DMD: variants seen among roughly 807,000 people sequenced by gnomAD.
The protein encoded by DMD is dystrophin, also known as mutant dystrophin.
DMD carries 63 observed loss-of-function variants against 330.1 expected under a neutral mutation model. That is an observed-to-expected ratio of 0.19 (90% CI 0.16 to 0.24). The LOEUF (loss-of-function observed/expected upper bound fraction) is 0.24, where lower values mean the gene tolerates loss of function less well. Among genes scored for constraint, DMD ranks in the 10% least tolerant of loss-of-function variants. The probability of loss-of-function intolerance (pLI) is 1.00; values close to 1 mark genes in which losing one functional copy is unlikely to be tolerated. For missense variants in DMD, 3,344 were observed against 2,684.1 expected, an observed-to-expected ratio of 1.25 and a Z score of -5.43; for synonymous variants, 1,223 against 959.8, an observed-to-expected ratio of 1.27 and a Z score of -5.07.
chrX:33,128,631 G>C (rs1364015081), intron 1 of DMD, among the ~76,000 whole-genome samples: 1 of 111,917 alleles, frequency 8.9e-6, no homozygotes, highest in African/African-American at 3.3e-5. Flanking sequence ...CTGTATTTTT[G>C]TCTGGTATTC....
At chrX:32,601,733 G>C (rs1032406802) in intron 12 of DMD, among the ~76,000 whole-genome samples, 1 of 109,545 alleles carries the variant, frequency 9.1e-6, no homozygotes, top group Non-Finnish European at 1.9e-5. Flanking sequence ...CTTTGAGAAA[G>C]TCATCAACCA....
In DMD at chrX:32,621,707, CA is replaced by C. The variant is rs557101985; in HGVS notation, c.1332-7255del. ...AGGGACCAGAATGGCTGGGTGTGTG[CA>C]AACGGGATGGCTCAATATTTTAATG... is the stretch of plus-strand genomic sequence containing the variant. On this transcript the variant is annotated intron_variant, in intron 11 of 78. Transcript: ENST00000357033. 3.6e-5 allele frequency among the ~76,000 whole-genome samples: 4 copies of C among 110,305 alleles called. No individual in the cohort carries two copies. The South Asian group carries it at 1.6e-3, about 44-fold the overall frequency.
At chrX:31,270,483 TTGAGG>T in intron 62 of DMD, among the ~76,000 whole-genome samples, 1 of 111,943 alleles carries the variant, frequency 8.9e-6, no homozygotes, top group South Asian at 3.8e-4. Flanking sequence ...TTCTGGCCTT[TTGAGG>T]GTAAAGGCAT....
At chrX:31,520,081 G>A (rs1464360385) in intron 55 of DMD, among the ~76,000 whole-genome samples, 2 of 112,508 alleles carry the variant, frequency 1.8e-5, no homozygotes, top group African/African-American at 6.5e-5. Flanking sequence ...TGTAAAGGTA[G>A]GTAATATTTG....
At chrX:31,597,612 T>G (rs945510806) in intron 55 of DMD, among the ~76,000 whole-genome samples, 20 of 112,062 alleles carry the variant, frequency 1.8e-4, no homozygotes, top group Non-Finnish European at 3.2e-4. Context: ...TCTAATTCAC[T>G]GTGCAAGACA....
chrX:32,029,463 C>G (rs1358695065), intron 44 of DMD, among the ~76,000 whole-genome samples: 2 of 110,637 alleles, frequency 1.8e-5, no homozygotes, highest in Admixed American at 1.9e-4. Flanking sequence ...ACCTAAGAAT[C>G]AGAAATGAGG....
intron 2 of DMD, among the ~76,000 whole-genome samples, chrX:32,879,131 C>A (rs17341093): frequency 0.071 from 7,902 of 111,166 alleles, 283 homozygotes; most frequent in East Asian, 0.17. Context: ...ATTCCTGCAT[C>A]TGTTACCGTT....
intron 45 of DMD, among the ~76,000 whole-genome samples, chrX:31,962,573 T>A: frequency 1.8e-5 from 2 of 112,140 alleles, no homozygotes; most frequent in South Asian, 7.4e-4. Flanking sequence ...CAGTTGTAGG[T>A]GATGGTGCCA....
At chrX:31,569,620 A>ACACG (rs1191444755) in intron 55 of DMD, among the ~76,000 whole-genome samples, 20 of 99,490 alleles carry the variant, frequency 2.0e-4, no homozygotes, top group Admixed American at 4.4e-4. Context: ...ATACGTATAT[A>ACACG]TACGTATATA....
At chrX:33,187,433 G>T (rs191985510) in intron 1 of DMD, among the ~76,000 whole-genome samples, 1 of 112,772 alleles carries the variant, frequency 8.9e-6, no homozygotes, top group African/African-American at 3.2e-5. Flanking sequence ...AGAGATATGT[G>T]CAAGGCACAA....
chrX:32,681,033 T>C (rs1475669820), intron 9 of DMD, among the ~76,000 whole-genome samples: 2 of 112,473 alleles, frequency 1.8e-5, no homozygotes, highest in Non-Finnish European at 3.8e-5. Flanking sequence ...AGTTTTCCTC[T>C]TTATCTAATC....
intron 60 of DMD, among the ~76,000 whole-genome samples, chrX:31,402,509 G>A (rs1036582899): frequency 8.9e-5 from 10 of 112,002 alleles, no homozygotes; most frequent in Admixed American, 2.9e-4. Flanking sequence ...GTATCCTAAA[G>A]TACAAAACGA....
At chrX:32,731,610 C>A (rs186950623) in intron 7 of DMD, among the ~76,000 whole-genome samples, 8 of 112,063 alleles carry the variant, frequency 7.1e-5, no homozygotes, top group African/African-American at 2.0e-4. Flanking sequence ...GACCCCTGAC[C>A]CCCGAGCACC....
chrX:32,840,633 A>T (rs2080079060), intron 4 of DMD, among the ~76,000 whole-genome samples: 1 of 112,110 alleles, frequency 8.9e-6, no homozygotes, highest in South Asian at 3.7e-4. Context: ...TTCAATTTTA[A>T]ACCCATGGAA....
intron 9 of DMD, among the ~76,000 whole-genome samples, chrX:32,650,191 G>C (rs2060054878): frequency 8.9e-6 from 1 of 111,862 alleles, no homozygotes; most frequent in Non-Finnish European, 1.9e-5. Context: ...CTATCACTGA[G>C]CAGTTTTATA....
At chrX:32,216,208 G>A (rs1253321386) in intron 44 of DMD, among the ~76,000 whole-genome samples, 2 of 111,814 alleles carry the variant, frequency 1.8e-5, no homozygotes, top group African/African-American at 6.5e-5. Context: ...TTAAGTCTTC[G>A]TGTAATAAAC....
chrX:31,986,373 G>A (rs1188413897), intron 44 of DMD, among the ~76,000 whole-genome samples: 1 of 111,193 alleles, frequency 9.0e-6, no homozygotes, highest in Non-Finnish European at 1.9e-5. Flanking sequence ...CATTAAGAAG[G>A]CAACCTATGG....
At chrX:32,186,386 G>A (rs965921327) in intron 44 of DMD, among the ~76,000 whole-genome samples, 1 of 111,145 alleles carries the variant, frequency 9.0e-6, no homozygotes, top group African/African-American at 3.3e-5. Flanking sequence ...TTCACCTGAT[G>A]CAAAATGGAC....
At chrX:32,338,414 G>A (rs549051918) in intron 41 of DMD, among the ~76,000 whole-genome samples, 6 of 109,621 alleles carry the variant, frequency 5.5e-5, no homozygotes, top group East Asian at 2.9e-4. Context: ...CTTATTTCAC[G>A]CAGATGTTTG....
Sources: gnomAD v4.1 joint callset for allele counts (sites outside exome capture counted in the v4.1 genomes callset) on GRCh38, gnomAD v4.1.1 for gene constraint, MANE v1.5 for transcripts, NCBI Gene and HGNC (gene_info 2026-07-23, HGNC 2026-07-21) for gene names.